The following THSD7A variants were observed in gnomAD, a reference collection of about 807,000 sequenced individuals.
THSD7A encodes the protein thrombospondin type-1 domain-containing protein 7A.
A neutral mutation model predicts 231.3 loss-of-function variants in THSD7A; 96 were observed. The ratio of observed to expected loss-of-function variants is 0.41; its 90% CI spans 0.35 to 0.49. The LOEUF is 0.49. THSD7A is among the 20% of genes least tolerant of loss of function. The probability of loss-of-function intolerance (pLI) is 0.05; values close to 1 mark genes in which losing one functional copy is unlikely to be tolerated. For missense variants in THSD7A, 2,290 were observed against 2,070.2 expected (o/e 1.11, Z -2.06); for synonymous variants, 940 against 743.3 (o/e 1.26, Z -4.30).
At chr7:11,574,173 T>C (rs1790775053) in intron 4 of THSD7A, among the ~76,000 whole-genome samples, 1 of 152,322 alleles carries the variant, frequency 6.6e-6, no homozygotes, top group African/African-American at 2.4e-5. Flanking sequence ...TATTACCCAG[T>C]TATTCTCTTT....
intron 11 of THSD7A, among the ~76,000 whole-genome samples, chr7:11,459,627 G>C (rs7793779): frequency 1.0e-5 from 1 of 96,646 alleles, no homozygotes; most frequent in African/African-American, 2.9e-5. Flanking sequence ...TTATGTTCCA[G>C]AAGAAGACTT....
At chr7:11,694,753 C>A (rs898009486) in intron 1 of THSD7A, among the ~76,000 whole-genome samples, 3 of 151,526 alleles carry the variant, frequency 2.0e-5, no homozygotes, top group Non-Finnish European at 4.4e-5. Context: ...ATGCAATATG[C>A]TTCCTATTCC....
intron 1 of THSD7A, among the ~76,000 whole-genome samples, chr7:11,769,153 A>ATATT: frequency 0.038 from 1,044 of 27,526 alleles, 59 homozygotes; most frequent in Middle Eastern, 0.067. Flanking sequence ...ATATATATAT[A>ATATT]TTTTTTTTTT....
chr7:11,382,569 AGCC>A lies in THSD7A; in HGVS notation c.4456_4458del (p.Gly1486del). On this transcript the variant is annotated inframe_deletion, in exon 24 of 28. Coordinates refer to ENST00000423059, the MANE Select transcript of THSD7A (RefSeq NM_015204.3). ...CTTTGACACCACACTGTTCGGGAAG[AGCC>A]CTTCCAAGCACTGGCCATCCATTTA... The A allele has an allele frequency of 6.2e-7, 1 of 1,613,020 alleles. No homozygotes were observed. Among genetic ancestry groups the A allele is most frequent in the Non-Finnish European group, 8.5e-7 (1 of 1,179,270 alleles).
chr7:11,663,223 A>G (rs1782999350), intron 1 of THSD7A, among the ~76,000 whole-genome samples: 1 of 151,380 alleles, frequency 6.6e-6, no homozygotes, highest in Non-Finnish European at 1.5e-5. Context: ...TAAAAAAATA[A>G]GAGGGTATTA....
chr7:11,710,808 CA>C (rs1218062331), intron 1 of THSD7A, among the ~76,000 whole-genome samples: 1 of 150,832 alleles, frequency 6.6e-6, no homozygotes, highest in Admixed American at 6.6e-5. Flanking sequence ...CAGCTTACAT[CA>C]AAATGTAAGA....
At chr7:11,674,992 G>A in intron 1 of THSD7A, among the ~76,000 whole-genome samples, 1 of 152,126 alleles carries the variant, frequency 6.6e-6, no homozygotes, top group Non-Finnish European at 1.5e-5. Flanking sequence ...GGCCGAATAG[G>A]AACAGCTCCA....
intron 1 of THSD7A, among the ~76,000 whole-genome samples, chr7:11,779,116 T>C (rs1160143596): frequency 3.3e-5 from 5 of 152,202 alleles, no homozygotes; most frequent in African/African-American, 9.6e-5. Flanking sequence ...ATCAGTCTGC[T>C]AGCTAGTACC....
At chr7:11,546,203 C>CGCGCG (rs1562706160) in intron 4 of THSD7A, among the ~76,000 whole-genome samples, 15 of 34,988 alleles carry the variant, frequency 4.3e-4, no homozygotes, top group African/African-American at 1.1e-3. Context: ...TGGGCGCGCG[C>CGCGCG]TCACACACAC....
chr7:11,539,965 G>A (rs541461857), intron 6 of THSD7A, among the ~76,000 whole-genome samples: 1 of 152,262 alleles, frequency 6.6e-6, no homozygotes, highest in South Asian at 2.1e-4. Flanking sequence ...ATACGACCCT[G>A]ACTGTTTTTA....
intron 1 of THSD7A, among the ~76,000 whole-genome samples, chr7:11,644,209 G>C (rs1399277617): frequency 6.6e-6 from 1 of 151,828 alleles, no homozygotes; most frequent in Non-Finnish European, 1.5e-5. Context: ...CATTTCAAAG[G>C]ATTTTATTGC....
chr7:11,411,615 A>T lies in THSD7A; in HGVS notation c.3683-293T>A, dbSNP rs551766848. On this transcript the variant is annotated intron_variant, in intron 18 of 27. Coordinates refer to ENST00000423059, the MANE Select transcript of THSD7A (RefSeq NM_015204.3). The surrounding 1 kb of genome is among the most constrained non-coding windows in gnomAD (Gnocchi z 4.1). Reference sequence around the variant, plus strand: ...GAAAATGGCTTTGGCTTACAGATCAATGTCACTTAAAAACTTTCTTTCCCA... The same window carrying T: ...GAAAATGGCTTTGGCTTACAGATCATTGTCACTTAAAAACTTTCTTTCCCA... Among the ~76,000 whole-genome samples the T allele has an allele frequency of 6.6e-6, 1 of 152,350 alleles. No individual in the cohort carries two copies. The highest frequency in any genetic ancestry group is 1.9e-4 in the East Asian group (1 of 5,186).
At chr7:11,595,587 T>C (rs766119802) in intron 2 of THSD7A, among the ~76,000 whole-genome samples, 1 of 152,178 alleles carries the variant, frequency 6.6e-6, no homozygotes, top group African/African-American at 2.4e-5. Flanking sequence ...CTTAGGGAGA[T>C]TGGGATGGTG....
intron 1 of THSD7A, among the ~76,000 whole-genome samples, chr7:11,801,306 TTCTC>T (rs779267630): frequency 6.6e-6 from 1 of 152,134 alleles, no homozygotes; most frequent in African/African-American, 2.4e-5. Flanking sequence ...CTTCCTGTCT[TTCTC>T]TCTCTCTGTC....
chr7:11,689,620 G>C lies in THSD7A; in HGVS notation c.191-52659C>G, dbSNP rs184118316. Among the ~76,000 whole-genome samples the C allele has an allele frequency of 6.1e-4, 92 of 151,388 alleles. 1 individual carries two copies. The highest frequency in any genetic ancestry group is 1.7e-3 in the Admixed American group (26 of 15,122). The stretch of plus-strand genomic sequence containing the variant: ...GGGGCCATTTTCGTCCTACTTCTTT[G>C]GTCATATTTCTTTAGAAAATGGAAA... On this transcript the variant is annotated intron_variant, in intron 1 of 27. Coordinates refer to ENST00000423059, the MANE Select transcript of THSD7A (RefSeq NM_015204.3).
intron 1 of THSD7A, among the ~76,000 whole-genome samples, chr7:11,643,621 AC>A (rs1782170534): frequency 6.6e-6 from 1 of 151,542 alleles, no homozygotes; most frequent in African/African-American, 2.4e-5. Flanking sequence ...ACACACACAC[AC>A]AGATTGAACC....
chr7:11,532,472 G>A (rs900349484), intron 6 of THSD7A, among the ~76,000 whole-genome samples: 3 of 152,140 alleles, frequency 2.0e-5, no homozygotes, highest in Non-Finnish European at 4.4e-5. Flanking sequence ...TGTTAGTGAA[G>A]GATAGAGACA....
At chr7:11,706,739 G>C (rs1026395404) in intron 1 of THSD7A, among the ~76,000 whole-genome samples, 2 of 142,160 alleles carry the variant, frequency 1.4e-5, no homozygotes, top group African/African-American at 5.2e-5. Context: ...ATAGAAAATA[G>C]AGGAAATGTG....
At chr7:11,546,599 C>G (rs768155609) in intron 4 of THSD7A, among the ~76,000 whole-genome samples, 4 of 152,146 alleles carry the variant, frequency 2.6e-5, no homozygotes, top group Non-Finnish European at 5.9e-5. Context: ...ATTTAAGGAA[C>G]ATCAGCCCAT....
Sources: allele counts gnomAD v4.1 joint callset (sites outside exome capture counted in the v4.1 genomes callset), GRCh38; gene constraint gnomAD v4.1.1; non-coding constraint Gnocchi (gnomAD v3.1); transcripts MANE v1.5; gene names NCBI Gene and HGNC (gene_info 2026-07-23, HGNC 2026-07-21).